FLRT1: variants seen among roughly 807,000 people sequenced by gnomAD.
FLRT1 encodes fibronectin leucine rich transmembrane protein 1, also known as leucine-rich repeat transmembrane protein FLRT1.
Under a neutral mutation model 30.9 loss-of-function variants are expected in FLRT1, and 14 were observed. That is an observed-to-expected ratio of 0.45 (90% CI 0.30 to 0.71). FLRT1 has a LOEUF of 0.71. Ranked by LOEUF, FLRT1 falls within the 30% of genes least tolerant of loss-of-function variation. FLRT1 has a pLI of 0.08. For missense variants in FLRT1, 737 were observed against 949.2 expected, an observed-to-expected ratio of 0.78 and a Z score of 2.94; for synonymous variants, 368 against 430.4, an observed-to-expected ratio of 0.85 and a Z score of 1.80.
intron 1 of FLRT1, among the ~76,000 whole-genome samples, chr11:64,069,311 C>T (rs929927525): frequency 2.0e-5 from 3 of 152,300 alleles, no homozygotes; most frequent in East Asian, 1.9e-4. Flanking sequence ...GGATGAGGCA[C>T]GGCTGTCAGC....
intron 1 of FLRT1, among the ~76,000 whole-genome samples, chr11:64,042,565 G>A (rs1008481924): frequency 3.3e-5 from 5 of 152,112 alleles, no homozygotes; most frequent in African/African-American, 1.2e-4. Flanking sequence ...CCACCCCCTT[G>A]GCTAGCCAAT....
At chr11:64,049,405 G>C (rs574536356) in intron 1 of FLRT1, among the ~76,000 whole-genome samples, 133 of 152,300 alleles carry the variant, frequency 8.7e-4, no homozygotes, top group African/African-American at 3.1e-3. Flanking sequence ...CAGGCCCCCT[G>C]AGCACTTCCT....
chr11:64,051,576 G>A (rs1021013520), intron 1 of FLRT1, among the ~76,000 whole-genome samples: 6 of 152,350 alleles, frequency 3.9e-5, no homozygotes, highest in South Asian at 2.1e-4. Context: ...AAATCTGTCC[G>A]GGTCTGACAG....
Position 64,069,217 on chromosome 11 carries a change from G to A in FLRT1, c.-1038+33058G>A, listed in dbSNP as rs548669752. Among the ~76,000 whole-genome samples the A allele has an allele frequency of 3.9e-5, 6 of 152,346 alleles. No individual in the cohort carries two copies. In the South Asian group the frequency reaches 6.2e-4, roughly 16 times the overall value. On this transcript the variant is annotated intron_variant, in intron 1 of 2. Coordinates refer to ENST00000682287, the MANE Select transcript of FLRT1 (RefSeq NM_013280.5). ...GGCCACTGCGCGCGGCCGGGGGCCC[G>A]AGGTGGGCGCCTTCACCTGGATCCG...
intron 2 of FLRT1, among the ~76,000 whole-genome samples, chr11:64,106,113 G>A (rs1406323086): frequency 1.3e-5 from 2 of 152,152 alleles, no homozygotes; most frequent in African/African-American, 4.8e-5. Flanking sequence ...GTCTCCCTTT[G>A]GGGTCAGAGA....
intron 2 of FLRT1, among the ~76,000 whole-genome samples, chr11:64,115,116 G>A (rs1192651537): frequency 2.0e-5 from 3 of 152,196 alleles, no homozygotes; most frequent in African/African-American, 7.2e-5. Flanking sequence ...TCCCATCATT[G>A]AAAAGCCTCC....
At chr11:64,085,821 G>A (rs1288071521) in intron 1 of FLRT1, among the ~76,000 whole-genome samples, 2 of 152,206 alleles carry the variant, frequency 1.3e-5, no homozygotes, top group African/African-American at 4.8e-5. Flanking sequence ...GGGAATAACA[G>A]CATCCCCAGC....
chr11:64,101,153 T>C (rs1367054570), intron 1 of FLRT1, among the ~76,000 whole-genome samples: 1 of 151,982 alleles, frequency 6.6e-6, no homozygotes, highest in Non-Finnish European at 1.5e-5. Flanking sequence ...GAGGGAGGGA[T>C]GACGTCTGCA....
chr11:64,058,989 CAG>C (rs1327754364), intron 1 of FLRT1, among the ~76,000 whole-genome samples: 6 of 152,298 alleles, frequency 3.9e-5, no homozygotes, highest in Admixed American at 3.3e-4. Flanking sequence ...ACCTTCAAAA[CAG>C]GGGCTCACTG....
intron 1 of FLRT1, among the ~76,000 whole-genome samples, chr11:64,098,174 G>A (rs1033850395): frequency 2.6e-5 from 4 of 152,108 alleles, no homozygotes; most frequent in Admixed American, 6.5e-5. Context: ...GTCTGGTCAC[G>A]CTCCTCCATG....
intron 1 of FLRT1, among the ~76,000 whole-genome samples, chr11:64,046,442 GGGAGCTGGGTCCTACCCTTGCCCT>G: frequency 6.6e-6 from 1 of 152,212 alleles, no homozygotes; most frequent in Non-Finnish European, 1.5e-5. Flanking sequence ...GGGGACAGGA[GGGAGCTGGGTCCTACCCTTGCCCT>G]GGACCCCAGA....
At chr11:64,041,309 T>C (rs1479809969) in intron 1 of FLRT1, among the ~76,000 whole-genome samples, 2 of 145,028 alleles carry the variant, frequency 1.4e-5, no homozygotes, top group Non-Finnish European at 3.0e-5. Flanking sequence ...CAGAAGCAAA[T>C]TGCTCTTCTT....
chr11:64,037,355 G>A (rs1261196277), intron 1 of FLRT1, among the ~76,000 whole-genome samples: 1 of 151,940 alleles, frequency 6.6e-6, no homozygotes, highest in Non-Finnish European at 1.5e-5. Context: ...CAGCCGCCGC[G>A]CTCAGGGGCT....
intron 1 of FLRT1, among the ~76,000 whole-genome samples, chr11:64,091,643 T>C (rs1944493190): frequency 6.6e-6 from 1 of 152,100 alleles, no homozygotes. Flanking sequence ...ATCCGACAGA[T>C]AAGGAGACTG....
At chr11:64,074,941 C>T (rs1321570032) in intron 1 of FLRT1, among the ~76,000 whole-genome samples, 1 of 152,198 alleles carries the variant, frequency 6.6e-6, no homozygotes, top group Non-Finnish European at 1.5e-5. Context: ...CAAAAGGGGT[C>T]ACTTCCCATT....
chr11:64,073,862 C>A (rs951001442), intron 1 of FLRT1, among the ~76,000 whole-genome samples: 2 of 152,102 alleles, frequency 1.3e-5, no homozygotes, highest in African/African-American at 4.8e-5. Flanking sequence ...GCCAGAGATG[C>A]AGTTGGGGAC....
chr11:64,102,313 C>A (rs1293732007), intron 1 of FLRT1, among the ~76,000 whole-genome samples: 2 of 152,224 alleles, frequency 1.3e-5, no homozygotes, highest in Non-Finnish European at 2.9e-5. Flanking sequence ...ACAGCCTGCC[C>A]TGCCCTCCGT....
chr11:64,068,516 T>C (rs1944046659), intron 1 of FLRT1, among the ~76,000 whole-genome samples: 1 of 152,222 alleles, frequency 6.6e-6, no homozygotes. Flanking sequence ...AGGATAACGA[T>C]GGTTGTCTCC....
chr11:64,050,356 T>C (rs1382698064), intron 1 of FLRT1, among the ~76,000 whole-genome samples: 1 of 152,180 alleles, frequency 6.6e-6, no homozygotes, highest in Non-Finnish European at 1.5e-5. Context: ...TTCTGAAATG[T>C]GCAGGCCACC....
Sources: allele counts gnomAD v4.1 joint callset (sites outside exome capture counted in the v4.1 genomes callset), GRCh38; gene constraint gnomAD v4.1.1; transcripts MANE v1.5; gene names NCBI Gene and HGNC (gene_info 2026-07-23, HGNC 2026-07-21).